The following MED13 variants were observed in gnomAD, a reference collection of about 807,000 sequenced individuals.
The protein encoded by MED13 is mediator of RNA polymerase II transcription subunit 13.
In MED13, 23 loss-of-function variants were observed where a neutral mutation model predicts 225.2. The observed-to-expected ratio is 0.10, with a 90% confidence interval of 0.07 to 0.14. The LOEUF is 0.14. MED13 is among the 10% of genes least tolerant of loss of function. The pLI, the probability that MED13 is intolerant of heterozygous loss-of-function variation, is 1.00. For missense variants in MED13, 2,197 were observed against 2,594.5 expected (o/e 0.85, Z 3.33); for synonymous variants, 942 against 889.2 (o/e 1.06, Z -1.06).
At chr17:62,025,043 T>G (rs1213887810) in intron 8 of MED13, among the ~76,000 whole-genome samples, 2 of 152,242 alleles carry the variant, frequency 1.3e-5, no homozygotes, top group Non-Finnish European at 2.9e-5. Context: ...TCTGGGTATA[T>G]ATATCCAGTA....
At chr17:61,956,244 G>T in intron 24 of MED13, 95 bp downstream of exon 24, 1 of 1,209,846 alleles carries the variant, frequency 8.3e-7, no homozygotes, top group Non-Finnish European at 1.1e-6. Context: ...GATAACCTTT[G>T]CATTTTATTC....
At chr17:62,026,640 CA>C (rs140862698) in intron 8 of MED13, among the ~76,000 whole-genome samples, 338 of 152,112 alleles carry the variant, frequency 2.2e-3, no homozygotes, top group African/African-American at 7.9e-3. Context: ...AGAAAGGAAA[CA>C]AAAGTAACCC....
chr17:62,008,317 C>CAAAAAAAAA (rs766909961), intron 9 of MED13, among the ~76,000 whole-genome samples: 2,184 of 33,144 alleles, frequency 0.066, 436 homozygotes, highest in East Asian at 0.42. Context: ...GGCTCTGTCT[C>CAAAAAAAAA]AAAAAAAAAA....
chr17:61,956,501 A>C lies in MED13; in HGVS notation c.5481-20T>G. On this transcript the variant is annotated intron_variant, in intron 23 of 29. Transcript: ENST00000397786. ...CGAGCCCTATTGTGTGAATAAAGAGAGTGTCATAAATATTTCTAAAATTTA... is the reference window on the plus strand; with the variant it reads ...CGAGCCCTATTGTGTGAATAAAGAGCGTGTCATAAATATTTCTAAAATTTA... 1 of 1,586,656 alleles carries C rather than the reference A, an allele frequency of 6.3e-7. No individual in the cohort carries two copies. The highest frequency in any genetic ancestry group is 8.5e-7 in the Non-Finnish European group (1 of 1,171,160).
rs2079824492 is a variant in MED13, at chr17:61,942,796, T to C, written c.*3672A>G. ...GTTAAAAAGAAAAGCAATTGGACCATATTAAATGTCACTGCTAAACAACAA... is the reference window on the plus strand; with the variant it reads ...GTTAAAAAGAAAAGCAATTGGACCACATTAAATGTCACTGCTAAACAACAA... On this transcript the variant is annotated 3_prime_UTR_variant, in exon 30 of 30. Transcript: ENST00000397786. 1 of 152,554 alleles carries C rather than the reference T, an allele frequency of 6.6e-6. No individual in the cohort carries two copies. The highest frequency in any genetic ancestry group is 2.4e-5 in the African/African-American group (1 of 41,444). The allele number at this position is 152,554 out of a possible 1,614,324, so 9.5% of individuals were successfully genotyped here.
chr17:61,979,370 T>G (rs2080184126), intron 16 of MED13, among the ~76,000 whole-genome samples: 1 of 152,112 alleles, frequency 6.6e-6, no homozygotes, highest in Non-Finnish European at 1.5e-5. Context: ...AGTGCAGTGG[T>G]ACAATCATGG....
intron 1 of MED13, among the ~76,000 whole-genome samples, chr17:62,064,275 G>C (rs555543441): frequency 6.6e-6 from 1 of 152,298 alleles, no homozygotes; most frequent in South Asian, 2.1e-4. Context: ...CAAGTTATTT[G>C]CAACAGTTGG....
intron 8 of MED13, among the ~76,000 whole-genome samples, chr17:62,025,723 T>C (rs1056510102): frequency 6.6e-6 from 1 of 152,228 alleles, no homozygotes; most frequent in Non-Finnish European, 1.5e-5. Context: ...GGGCCAAATA[T>C]GGCGAATTCA....
At chr17:62,005,727 T>C (rs1431135991) in intron 9 of MED13, 1 of 152,262 alleles carries the variant, frequency 6.6e-6, no homozygotes, top group East Asian at 1.9e-4. Flanking sequence ...TAATTTACTA[T>C]TATTTTTTAA....
intron 3 of MED13, among the ~76,000 whole-genome samples, chr17:62,043,664 ACT>A (rs1215318543): frequency 2.0e-5 from 3 of 152,186 alleles, no homozygotes; most frequent in Non-Finnish European, 4.4e-5. Flanking sequence ...CACACATATA[ACT>A]ATTGGTGACT....
At chr17:61,992,485 G>C (rs528746613) in intron 11 of MED13, 55 bp downstream of exon 11, 2 of 1,059,230 alleles carry the variant, frequency 1.9e-6, no homozygotes, top group African/African-American at 3.1e-5. Context: ...TATCAGATCA[G>C]TCTGTAGTAA....
At chr17:62,045,265 A>G (rs1315005803) in intron 3 of MED13, among the ~76,000 whole-genome samples, 1 of 152,208 alleles carries the variant, frequency 6.6e-6, no homozygotes, top group Admixed American at 6.5e-5. Flanking sequence ...TCCTAGAAGC[A>G]TTTAAAACTT....
At chr17:62,042,560 C>CAAAAAAAAAAAAAAAAAAAAAAAAA in intron 3 of MED13, among the ~76,000 whole-genome samples, 1 of 60,302 alleles carries the variant, frequency 1.7e-5, no homozygotes, top group Non-Finnish European at 3.5e-5. Context: ...GGTTTCATCT[C>CAAAAAAAAAAAAAAAAAAAAAAAAA]AAAAAAAAAA....
At chr17:61,990,696 T>C in intron 11 of MED13, among the ~76,000 whole-genome samples, 2 of 151,274 alleles carry the variant, frequency 1.3e-5, no homozygotes, top group East Asian at 3.9e-4. Context: ...TAAATATATA[T>C]AATTTTTACT....
chr17:62,025,752 C>T lies in MED13; in HGVS notation c.1283+3789G>A, dbSNP rs951311004. Among the ~76,000 whole-genome samples, 9 of 152,340 alleles carry T rather than the reference C, an allele frequency of 5.9e-5. No individual in the cohort carries two copies. In the East Asian group the frequency reaches 1.7e-3, roughly 29 times the overall value. On this transcript the variant is annotated intron_variant, in intron 8 of 29. Coordinates refer to ENST00000397786, the MANE Select transcript of MED13 (RefSeq NM_005121.3). ...GAATTCATCACTGTTTGCTGACCCC[C>T]ATTCTTATACAAATTATGTTCAGAT...
chr17:61,971,253 G>GAAAT (rs917610914), intron 17 of MED13, among the ~76,000 whole-genome samples: 6 of 148,576 alleles, frequency 4.0e-5, no homozygotes, highest in Non-Finnish European at 7.4e-5. Context: ...TTAAGGTACA[G>GAAAT]AAATAAATAA....
rs1315014573 is a variant in MED13, at chr17:62,010,707, C to T, written c.1810G>A (p.Val604Ile). 5.1e-6 allele frequency: 8 copies of T among 1,578,946 alleles called. No individual in the cohort carries two copies. The highest frequency in any genetic ancestry group is 2.3e-5 in the East Asian group (1 of 44,258). Reference protein sequence around the residue: ...VEPTVYVGTAVNLEEDEANIA... With the variant: ...VEPTVYVGTAINLEEDEANIA... The stretch of plus-strand genomic sequence containing the variant: ...TTGGCTTCATCTTCTTCCAAGTTTA[C>T]TGCTGTACCAACATATACTGTAGGT... The change falls in exon 9 of 30, where the codon GTA becomes ATA. Residue 604 changes from valine (V) to isoleucine (I), a missense_variant. This residue lies in a region of MED13 where 884 missense variants were observed against 918.5 expected (regional missense o/e 0.96). Transcript: ENST00000397786.
chr17:61,965,251 C>A lies in MED13; in HGVS notation c.4599G>T (p.Leu1533Phe). The stretch of plus-strand genomic sequence containing the variant: ...ATGAAGATGAAGTTGAAGCTGTGGT[C>A]AAAGTTGAATTAGCTGTGGCAACTG... ...STSVATANST[L>F]TTASTSSSSS... is the part of the protein sequence containing the mutation. The change falls in exon 20 of 30, where the codon TTG becomes TTT. Residue 1533 changes from leucine (L) to phenylalanine (F), a missense_variant. Physicochemically the swap from Leu to Phe is conservative, Grantham distance 22 (BLOSUM62 0). Around this residue, in one of 12 missense-constraint regions of MED13, gnomAD observed 457 missense variants for 442.2 expected, o/e 1.03. Coordinates refer to ENST00000397786, the MANE Select transcript of MED13 (RefSeq NM_005121.3). 1.2e-6 allele frequency: 2 copies of A among 1,614,070 alleles called. No homozygotes were observed. Among genetic ancestry groups the A allele is most frequent in the South Asian group, 2.2e-5 (2 of 91,042 alleles).
chr17:61,962,671 T>C, intron 21 of MED13, 81 bp downstream of exon 21: 1 of 1,202,296 alleles, frequency 8.3e-7, no homozygotes, highest in African/African-American at 1.5e-5. Flanking sequence ...TCAATTTGAA[T>C]ACAGAAAAGT....
Sources: gnomAD v4.1 joint callset for allele counts (sites outside exome capture counted in the v4.1 genomes callset) on GRCh38, gnomAD v4.1.1 for gene constraint, gnomAD v4.1.1 regional missense constraint, MANE v1.5 for transcripts, NCBI Gene and HGNC (gene_info 2026-07-23, HGNC 2026-07-21) for gene names.